LRRC72: variants seen among roughly 807,000 people sequenced by gnomAD.
The protein encoded by LRRC72 is leucine-rich repeat-containing protein 72.
A neutral mutation model predicts 35.8 loss-of-function variants in LRRC72; 41 were observed. The ratio of observed to expected loss-of-function variants is 1.15; its 90% CI spans 0.89 to 1.49. LRRC72 has a LOEUF of 1.49. Ranked by LOEUF, LRRC72 falls within the 40% of genes most tolerant of loss-of-function variation. LRRC72 has a pLI of 0.00. For missense variants in LRRC72, 389 were observed against 330.7 expected (o/e 1.18, Z -1.37); for synonymous variants, 118 against 119.2 (o/e 0.99, Z 0.07).
In LRRC72 at chr7:16,566,428, A is replaced by G. The variant is rs1782846306; in HGVS notation, c.517+26A>G. 2.7e-6 allele frequency: 4 copies of G among 1,474,560 alleles called. No individual in the cohort carries two copies. The South Asian group carries it at 5.3e-5, about 19-fold the overall frequency. 91.3% of individuals were successfully genotyped at this position (1,474,560 alleles called of 1,614,324 possible). On this transcript the variant is annotated intron_variant, in intron 6 of 8. Coordinates refer to ENST00000401542, the MANE Select transcript of LRRC72 (RefSeq NM_001195280.2). ...GTAAGGACCCTTCCTTCTTGCAAAG[A>G]AATATTTGAGAAGTAGTCTTATAGC...
intron 1 of LRRC72, chr7:16,530,249 C>A (rs1410849555): frequency 6.6e-6 from 1 of 152,030 alleles, no homozygotes; most frequent in African/African-American, 2.4e-5. Flanking sequence ...CAGGAGAGAG[C>A]CAGTAATGTA....
chr7:16,558,339 T>C (rs1263781291), intron 4 of LRRC72, among the ~76,000 whole-genome samples: 1 of 152,208 alleles, frequency 6.6e-6, no homozygotes, highest in East Asian at 1.9e-4. Context: ...CCGGGCGCGG[T>C]GGCTCATGCC....
intron 5 of LRRC72, among the ~76,000 whole-genome samples, chr7:16,562,588 A>G (rs1390423131): frequency 6.6e-6 from 1 of 152,162 alleles, no homozygotes; most frequent in Non-Finnish European, 1.5e-5. Context: ...GAGGGTCTCC[A>G]TGTTTCCACA....
intron 1 of LRRC72, among the ~76,000 whole-genome samples, chr7:16,530,970 G>T (rs563448086): frequency 6.6e-6 from 1 of 152,136 alleles, no homozygotes; most frequent in South Asian, 2.1e-4. Flanking sequence ...GCCAGGGCAG[G>T]CAGATTGCCT....
intron 5 of LRRC72, among the ~76,000 whole-genome samples, chr7:16,560,822 T>A (rs1782732642): frequency 6.6e-6 from 1 of 152,120 alleles, no homozygotes; most frequent in Non-Finnish European, 1.5e-5. Context: ...TTGCATCCAG[T>A]CTCGAAATTC....
chr7:16,549,930 CA>C (rs1412058775), intron 3 of LRRC72, among the ~76,000 whole-genome samples: 1 of 152,144 alleles, frequency 6.6e-6, no homozygotes, highest in Non-Finnish European at 1.5e-5. Flanking sequence ...ATTAAATTAA[CA>C]GATGTTTTCA....
intron 3 of LRRC72, among the ~76,000 whole-genome samples, chr7:16,543,702 G>T (rs1782398363): frequency 6.6e-6 from 1 of 152,194 alleles, no homozygotes; most frequent in Non-Finnish European, 1.5e-5. Flanking sequence ...GGGCACATTT[G>T]CTGGGAGGTT....
intron 5 of LRRC72, among the ~76,000 whole-genome samples, chr7:16,565,378 A>G (rs1289234371): frequency 6.6e-6 from 1 of 151,852 alleles, no homozygotes; most frequent in Non-Finnish European, 1.5e-5. Flanking sequence ...GGTTGCAGTG[A>G]GCAAGATCAT....
intron 5 of LRRC72, among the ~76,000 whole-genome samples, chr7:16,564,943 C>G (rs1016688009): frequency 1.3e-5 from 2 of 152,070 alleles, no homozygotes; most frequent in African/African-American, 2.4e-5. Context: ...TATTTTCATG[C>G]CTTTATCAAA....
chr7:16,531,058 G>A (rs552413317), intron 1 of LRRC72, among the ~76,000 whole-genome samples: 5 of 151,878 alleles, frequency 3.3e-5, no homozygotes, highest in East Asian at 3.9e-4. Flanking sequence ...GTGTGGCAGC[G>A]TGCACCTGTA....
At position 16,536,389 on chromosome 7, in the gene LRRC72, A is replaced by G. The variant is rs140237586; in HGVS notation, c.165-1238A>G. On this transcript the variant is annotated intron_variant, in intron 2 of 8. Transcript: ENST00000401542. ...CAATTTCATCTTCTTAGGTGTGAGG[A>G]TGGTATGGTGGTTGCACAGGACAAT... Among the ~76,000 whole-genome samples, 485 of 152,128 alleles carry G rather than the reference A, an allele frequency of 3.2e-3. 10 individuals carry two copies. The highest frequency in any genetic ancestry group is 0.029 in the Admixed American group (442 of 15,252).
At chr7:16,544,004 T>C (rs1049103282) in intron 3 of LRRC72, among the ~76,000 whole-genome samples, 1 of 152,218 alleles carries the variant, frequency 6.6e-6, no homozygotes, top group African/African-American at 2.4e-5. Context: ...ATATAGCTTA[T>C]CCTGTACTTG....
At chr7:16,531,428 G>A (rs191971318) in intron 1 of LRRC72, among the ~76,000 whole-genome samples, 3 of 152,224 alleles carry the variant, frequency 2.0e-5, no homozygotes, top group East Asian at 1.9e-4. Flanking sequence ...CATCACTAGC[G>A]TACCTATCTT....
chr7:16,577,963 G>A (rs766503815), intron 7 of LRRC72, among the ~76,000 whole-genome samples: 1 of 152,142 alleles, frequency 6.6e-6, no homozygotes, highest in Non-Finnish European at 1.5e-5. Flanking sequence ...CCATATGGCA[G>A]TATCCACCAA....
At chr7:16,581,210 A>T in intron 8 of LRRC72, 114 bp from the exon 9 acceptor site, 1 of 926,772 alleles carries the variant, frequency 1.1e-6, no homozygotes, top group Non-Finnish European at 1.5e-6. Flanking sequence ...GTGGTACTAT[A>T]CTACAAATAA....
intron 5 of LRRC72, among the ~76,000 whole-genome samples, chr7:16,563,491 T>C (rs59614843): frequency 0.08 from 12,205 of 152,242 alleles, 1,668 homozygotes; most frequent in African/African-American, 0.28. Flanking sequence ...GTGGATTAAA[T>C]AGTATTAACC....
chr7:16,578,587 A>C (rs1783086227), intron 7 of LRRC72, among the ~76,000 whole-genome samples: 1 of 152,196 alleles, frequency 6.6e-6, no homozygotes, highest in Non-Finnish European at 1.5e-5. Flanking sequence ...CAACAAACAA[A>C]TCTCTATGTA....
intron 1 of LRRC72, 86 bp downstream of exon 1, chr7:16,527,128 G>A: frequency 9.4e-7 from 1 of 1,068,546 alleles, no homozygotes; most frequent in Non-Finnish European, 1.4e-6. Flanking sequence ...CTCCAGGCAG[G>A]TACTGAATTT....
intron 3 of LRRC72, among the ~76,000 whole-genome samples, chr7:16,542,205 T>C (rs1265192040): frequency 3.3e-5 from 5 of 152,128 alleles, no homozygotes; most frequent in African/African-American, 7.2e-5. Context: ...AACTACTCAT[T>C]GAATATTCAC....
Sources: gnomAD v4.1 joint callset for allele counts (sites outside exome capture counted in the v4.1 genomes callset) on GRCh38, gnomAD v4.1.1 for gene constraint, MANE v1.5 for transcripts, NCBI Gene and HGNC (gene_info 2026-07-23, HGNC 2026-07-21) for gene names.